The following ERBB4 variants were observed in gnomAD, a reference collection of about 807,000 sequenced individuals.
The protein encoded by ERBB4 is erb-b2 receptor tyrosine kinase 4, also known as receptor tyrosine-protein kinase erbB-4.
A neutral mutation model predicts 158.0 loss-of-function variants in ERBB4; 42 were observed. That is an observed-to-expected ratio of 0.27 (90% CI 0.21 to 0.34). The LOEUF (loss-of-function observed/expected upper bound fraction) is 0.34, where lower values mean the gene tolerates loss of function less well. Ranked by LOEUF, ERBB4 falls within the 10% of genes least tolerant of loss-of-function variation. The pLI, the probability that ERBB4 is intolerant of heterozygous loss-of-function variation, is 1.00. For synonymous variants in ERBB4, 583 were observed against 558.7 expected (o/e 1.04, Z -0.61); for missense variants, 1,333 against 1,624.1 (o/e 0.82, Z 3.08).
chr2:211,705,802 A>G (rs1357817904), intron 9 of ERBB4, among the ~76,000 whole-genome samples: 1 of 152,324 alleles, frequency 6.6e-6, no homozygotes, highest in Middle Eastern at 3.4e-3. Context: ...AGAAGTATAC[A>G]TTGCTATTAG....
At chr2:212,269,565 T>A (rs2106113912) in intron 1 of ERBB4, among the ~76,000 whole-genome samples, 1 of 151,950 alleles carries the variant, frequency 6.6e-6, no homozygotes, top group Admixed American at 6.6e-5. Flanking sequence ...GTATATGTAC[T>A]CAATTTAAAA....
At chr2:211,411,186 C>T (rs914547177) in intron 25 of ERBB4, among the ~76,000 whole-genome samples, 1 of 152,150 alleles carries the variant, frequency 6.6e-6, no homozygotes, top group Non-Finnish European at 1.5e-5. Context: ...GGATTACAGG[C>T]GTGAGCCACC....
At chr2:212,033,872 G>A (rs1025345917) in intron 2 of ERBB4, among the ~76,000 whole-genome samples, 9 of 151,994 alleles carry the variant, frequency 5.9e-5, no homozygotes, top group Admixed American at 5.2e-4. Flanking sequence ...AAATTACGCT[G>A]TGAAGATTCT....
intron 2 of ERBB4, among the ~76,000 whole-genome samples, chr2:212,013,187 G>T (rs778581517): frequency 4.0e-5 from 6 of 151,726 alleles, no homozygotes; most frequent in Non-Finnish European, 8.8e-5. Context: ...CTCTCAAGTA[G>T]CTAGGGCTAC....
chr2:211,569,316 T>G (rs1307010493), intron 19 of ERBB4, among the ~76,000 whole-genome samples: 3 of 152,232 alleles, frequency 2.0e-5, no homozygotes, highest in Admixed American at 2.0e-4. Context: ...TCCATCTTTA[T>G]GATATTTTTT....
chr2:211,463,236 G>A (rs564457727), intron 20 of ERBB4, among the ~76,000 whole-genome samples: 6 of 152,212 alleles, frequency 3.9e-5, no homozygotes, highest in South Asian at 2.1e-4. Flanking sequence ...TACAAAAAGC[G>A]GAGCTATAGT....
At chr2:211,633,308 G>T (rs140823570) in intron 16 of ERBB4, among the ~76,000 whole-genome samples, 14 of 152,072 alleles carry the variant, frequency 9.2e-5, no homozygotes, top group African/African-American at 3.4e-4. Flanking sequence ...AAACTGAAAA[G>T]ATTCGGTTTC....
chr2:212,176,140 T>C (rs7591480), intron 1 of ERBB4, among the ~76,000 whole-genome samples: 80,569 of 151,826 alleles, frequency 0.53, 23,557 homozygotes, highest in Non-Finnish European at 0.67. Context: ...TCTTTGATTA[T>C]AGCTCTAACC....
intron 3 of ERBB4, among the ~76,000 whole-genome samples, chr2:211,821,410 C>A (rs995445893): frequency 1.3e-5 from 2 of 151,774 alleles, no homozygotes; most frequent in Admixed American, 1.3e-4. Context: ...ACTCATGAAT[C>A]AGAATAATTA....
chr2:211,424,404 A>C (rs2063580843), intron 22 of ERBB4, 103 bp from the exon 23 acceptor site: 1 of 743,748 alleles, frequency 1.3e-6, no homozygotes, highest in Admixed American at 2.7e-5. Flanking sequence ...GGTCAATCCA[A>C]ACACCAATCA....
intron 1 of ERBB4, among the ~76,000 whole-genome samples, chr2:212,321,642 T>C (rs1375689082): frequency 6.6e-6 from 1 of 150,590 alleles, no homozygotes; most frequent in African/African-American, 2.4e-5. Flanking sequence ...TAAACTAGGA[T>C]TGTACCATTG....
At chr2:211,984,892 T>A (rs1032907213) in intron 2 of ERBB4, among the ~76,000 whole-genome samples, 20 of 152,054 alleles carry the variant, frequency 1.3e-4, no homozygotes, top group African/African-American at 3.9e-4. Context: ...CCAGCTAATT[T>A]TTTATTTATT....
intron 20 of ERBB4, among the ~76,000 whole-genome samples, chr2:211,458,402 G>C (rs751000045): frequency 2.6e-5 from 4 of 152,028 alleles, no homozygotes; most frequent in Non-Finnish European, 5.9e-5. Flanking sequence ...AAGTAGCTGG[G>C]ATTACAGGCA....
chr2:212,197,679 T>C (rs1028258174), intron 1 of ERBB4, among the ~76,000 whole-genome samples: 5 of 152,146 alleles, frequency 3.3e-5, no homozygotes, highest in Non-Finnish European at 5.9e-5. Context: ...GTATTGCCTT[T>C]TGTGTTTAAA....
chr2:211,870,949 C>G (rs1053161789), intron 3 of ERBB4, among the ~76,000 whole-genome samples: 5 of 152,206 alleles, frequency 3.3e-5, no homozygotes, highest in African/African-American at 1.2e-4. Context: ...AAATGTGGCA[C>G]AAGGCCCTGG....
intron 16 of ERBB4, among the ~76,000 whole-genome samples, chr2:211,640,504 C>T (rs987590677): frequency 3.9e-5 from 6 of 152,138 alleles, no homozygotes; most frequent in African/African-American, 1.4e-4. Context: ...TCAAATAACT[C>T]TTCCAATATA....
chr2:211,681,342 T>C (rs530522687), intron 12 of ERBB4, among the ~76,000 whole-genome samples: 119 of 152,316 alleles, frequency 7.8e-4, no homozygotes, highest in African/African-American at 2.7e-3. Context: ...AGTCTTTGTA[T>C]GGGCATACAC....
intron 1 of ERBB4, among the ~76,000 whole-genome samples, chr2:212,366,927 C>G (rs927727795): frequency 1.3e-5 from 2 of 151,952 alleles, no homozygotes; most frequent in Admixed American, 1.3e-4. Context: ...AATTGTGTCT[C>G]TTCCAAATTT....
chr2:211,766,046 A>C (rs2075542688), intron 4 of ERBB4, among the ~76,000 whole-genome samples: 1 of 152,192 alleles, frequency 6.6e-6, no homozygotes, highest in Non-Finnish European at 1.5e-5. Flanking sequence ...ATTTTTATTC[A>C]AGCTTTTTTC....
Sources: allele counts gnomAD v4.1 joint callset (sites outside exome capture counted in the v4.1 genomes callset), GRCh38; gene constraint gnomAD v4.1.1; transcripts MANE v1.5; gene names NCBI Gene and HGNC (gene_info 2026-07-23, HGNC 2026-07-21).